The following KHNYN variants were observed in gnomAD, a reference collection of about 807,000 sequenced individuals.
The protein encoded by KHNYN is protein KHNYN.
In KHNYN, 42 loss-of-function variants were observed where a neutral mutation model predicts 62.7. That is an observed-to-expected ratio of 0.67 (90% CI 0.52 to 0.87). The LOEUF is 0.87. Among genes scored for constraint, KHNYN ranks in the 40% least tolerant of loss-of-function variants. The pLI is 0.00. For synonymous variants in KHNYN, 347 were observed against 345.6 expected (o/e 1.00, Z -0.04); for missense variants, 829 against 874.1 (o/e 0.95, Z 0.65).
At chr14:24,436,338 A>G in intron 6 of KHNYN, 50 bp from the exon 7 acceptor site, 1 of 1,526,530 alleles carries the variant, frequency 6.6e-7, no homozygotes, top group East Asian at 2.3e-5. Context: ...GTTGTCTGGG[A>G]GGTGGGCAAG....
intron 1 of KHNYN, chr14:24,430,357 A>C: frequency 1.1e-6 from 1 of 883,586 alleles, no homozygotes; most frequent in Non-Finnish European, 1.4e-6. Context: ...AGCCTAGTTC[A>C]ATCCCCTGCT....
chr14:24,437,238 C>A lies in KHNYN; in HGVS notation c.1990C>A (p.Arg664=). The stretch of plus-strand genomic sequence containing the variant: ...CATCCTGCAGCGGGAGCCATACTGC[C>A]GGGACATCAACCAACTGTCTGAGGC... ...DFILQREPYC[R]DINQLSEALL... The change falls in exon 8 of 8, where the codon CGG becomes AGG. Residue 664 remains arginine, a synonymous_variant. Transcript: ENST00000553935. This position sits in a 1 kb window ranked among gnomAD's most constrained non-coding sequence, Gnocchi z 5.5. 1 of 1,614,154 alleles carries A rather than the reference C, an allele frequency of 6.2e-7. No individual in the cohort carries two copies. Among genetic ancestry groups the A allele is most frequent in the Non-Finnish European group, 8.5e-7 (1 of 1,180,024 alleles).
At chr14:24,428,985 G>T (rs773414234), upstream of KHNYN, 10 of 1,550,436 alleles carry the variant, frequency 6.4e-6, no homozygotes, top group Middle Eastern at 3.4e-4. Context: ...AGGGCCAGAA[G>T]CACCAGAACC....
At position 24,440,378 on chromosome 14, in the gene KHNYN, C is replaced by A. The variant is rs200984811; in HGVS notation, c.*3093C>A. 1.4e-5 allele frequency: 22 copies of A among 1,613,990 alleles called. No homozygotes were observed. Among genetic ancestry groups the A allele is most frequent in the Non-Finnish European group, 8.5e-7 (1 of 1,179,868 alleles). On this transcript the variant is annotated 3_prime_UTR_variant, in exon 8 of 8. Transcript: ENST00000553935. The stretch of plus-strand genomic sequence containing the variant: ...ATGGGTCAGGATTCCTGCCAGGTCC[C>A]CGATGTGTATCCAGGGGAAGAATTG...
chr14:24,434,198 C>T, intron 5 of KHNYN: 1 of 985,338 alleles, frequency 1.0e-6, no homozygotes, highest in African/African-American at 1.7e-5. Context: ...ATGTTAAAGG[C>T]ATGTGTCTGC....
rs1232210097 is a variant in KHNYN at position 24,440,834 on chromosome 14, C to A, written c.*3549C>A. 2 of 1,613,680 alleles carry A rather than the reference C, an allele frequency of 1.2e-6. No homozygotes were observed. Among genetic ancestry groups the A allele is most frequent in the African/African-American group, 2.7e-5 (2 of 74,834 alleles). ...GAATCTCCAGGAAGCCTGGCTGCAG[C>A]TTCCCATTTGGTTACGAGGTTGGAG... On this transcript the variant is annotated 3_prime_UTR_variant, in exon 8 of 8. Transcript: ENST00000553935.
chr14:24,434,183 A>C, intron 5 of KHNYN: 1 of 985,370 alleles, frequency 1.0e-6, no homozygotes, highest in Non-Finnish European at 1.2e-6. Flanking sequence ...AGTTCGTTTT[A>C]ATGAATGTTA....
upstream of KHNYN, chr14:24,429,583 T>A: frequency 1.4e-6 from 1 of 690,084 alleles, no homozygotes; most frequent in Non-Finnish European, 2.1e-6. Flanking sequence ...ACGGGTACCC[T>A]CCGCCTCCCG....
At chr14:24,424,521 C>T (rs1416623490), upstream of KHNYN, among the ~76,000 whole-genome samples, 1 of 152,098 alleles carries the variant, frequency 6.6e-6, no homozygotes, top group African/African-American at 2.4e-5. Flanking sequence ...CATGGCAAAA[C>T]GAACTTCAAA....
rs1201989961 is a variant in KHNYN at position 24,439,258 on chromosome 14, G to A, written c.*1973G>A. The stretch of plus-strand genomic sequence containing the variant: ...TGCCATTTTCACTTTCAGTGATGGT[G>A]GGTGTGCAGTAGACCAAAAGTGTCT... On this transcript the variant is annotated 3_prime_UTR_variant, in exon 8 of 8. Coordinates refer to ENST00000553935, the MANE Select transcript of KHNYN (RefSeq NM_015299.3). The A allele has an allele frequency of 1.3e-5, 2 of 152,084 alleles. No individual in the cohort carries two copies. The highest frequency in any genetic ancestry group is 2.9e-5 in the Non-Finnish European group (2 of 68,018). 9.4% of individuals were successfully genotyped at this position (152,084 alleles called of 1,614,324 possible).
In KHNYN at chr14:24,431,463, G is replaced by C; in HGVS notation, c.202G>C (p.Glu68Gln). The change falls in exon 3 of 8, where the codon GAG (glutamate) becomes CAG (glutamine). Residue 68 changes from glutamate to glutamine, a missense_variant and splice_region_variant. Transcript: ENST00000553935. Reference sequence around the variant, plus strand: ...CTGACCTTCCCTTCCTCCCAACCAGGAGTACCTGAAGGGCCTCTGCAGCCC... The same window carrying C: ...CTGACCTTCCCTTCCTCCCAACCAGCAGTACCTGAAGGGCCTCTGCAGCCC... ...GPKENASRAK[E>Q]YLKGLCSPEL... The C allele has an allele frequency of 6.4e-7, 1 of 1,558,112 alleles. No homozygotes were observed. The highest frequency in any genetic ancestry group is 8.7e-7 in the Non-Finnish European group (1 of 1,146,940).
chr14:24,435,031 T>G (rs989516392), intron 5 of KHNYN, among the ~76,000 whole-genome samples: 1 of 152,222 alleles, frequency 6.6e-6, no homozygotes, highest in Non-Finnish European at 1.5e-5. Flanking sequence ...GGGTTGGATC[T>G]CTGTTTCTAA....
upstream of KHNYN, among the ~76,000 whole-genome samples, chr14:24,424,368 C>T (rs914524326): frequency 6.6e-6 from 1 of 152,142 alleles, no homozygotes; most frequent in Non-Finnish European, 1.5e-5. Flanking sequence ...AATTTTCAAG[C>T]CCATACGTTT....
In KHNYN at chr14:24,440,880, T is replaced by C. The variant is rs761380326; in HGVS notation, c.*3595T>C. ...TGGAGAAAAAGTCAAAGTCCCCTCC[T>C]GGGCTGTCTTCATCATACTCCGCAG... is the stretch of plus-strand genomic sequence containing the variant. On this transcript the variant is annotated 3_prime_UTR_variant, in exon 8 of 8. Transcript: ENST00000553935. The C allele has an allele frequency of 1.4e-5, 23 of 1,613,908 alleles. No homozygotes were observed. Among genetic ancestry groups the C allele is most frequent in the Non-Finnish European group, 1.9e-5 (22 of 1,179,896 alleles).
chr14:24,432,086 G>A lies in KHNYN; in HGVS notation c.825G>A (p.Leu275=), dbSNP rs373728592. 1.9e-6 allele frequency: 3 copies of A among 1,562,784 alleles called. No individual in the cohort carries two copies. The highest frequency in any genetic ancestry group is 1.4e-5 in the African/African-American group (1 of 73,692). The change falls in exon 3 of 8, where the codon TTG becomes TTA. Residue 275 remains leucine (L), a synonymous_variant. Transcript: ENST00000553935. This position sits in a 1 kb window ranked among gnomAD's most constrained non-coding sequence, Gnocchi z 5.6. ...PREMDWGWKE[L]PGEEAWEREV... is the part of the protein sequence containing the mutation. ...AGATGGATTGGGGGTGGAAGGAGTT[G>A]CCTGGGGAAGAGGCGTGGGAGAGAG...
rs1474728043 is a variant in KHNYN, at chr14:24,441,826, A to T, written c.*4541A>T. ...GGAGAAACATGGGAAATAAAAAGCC[A>T]CTAAATACATAAGTGCACATATCCC... On this transcript the variant is annotated 3_prime_UTR_variant, in exon 8 of 8. Transcript: ENST00000553935. 6.3e-7 allele frequency: 1 copy of T among 1,596,322 alleles called. No homozygotes were observed. The highest frequency in any genetic ancestry group is 8.5e-7 in the Non-Finnish European group (1 of 1,172,096).
rs1215008372 is a variant in KHNYN, at chr14:24,437,040, CAG to C, written c.1793_1794del (p.Gln598ArgfsTer4). The C allele has an allele frequency of 1.9e-6, 3 of 1,613,458 alleles. No homozygotes were observed. The highest frequency in any genetic ancestry group is 2.5e-6 in the Non-Finnish European group (3 of 1,179,582). On this transcript the variant is annotated frameshift_variant, in exon 8 of 8. Transcript: ENST00000553935. LOFTEE classifies it high-confidence loss of function. The surrounding 1 kb of genome is among the most constrained non-coding windows in gnomAD (Gnocchi z 5.5). The part of the protein sequence containing the change: ...DEFLKKPART[Q>X]GSSKAQHPSR... ...TTTTGGTCTGTTTCTTCCCAGGACA[CAG>C]GGGTCTTCTAAGGCTCAGCATCCTT...
intron 5 of KHNYN, 150 bp downstream of exon 5, chr14:24,433,182 G>C (rs2043152559): frequency 4.2e-6 from 3 of 710,860 alleles, no homozygotes; most frequent in Non-Finnish European, 7.3e-6. Context: ...CTTATGATTG[G>C]GTAGGTAAAC....
At chr14:24,433,645 A>T (rs2043160147) in intron 5 of KHNYN, among the ~76,000 whole-genome samples, 2 of 152,226 alleles carry the variant, frequency 1.3e-5, no homozygotes, top group South Asian at 2.1e-4. Flanking sequence ...TGAATATACG[A>T]AAAAGATAAG....
Sources: allele counts gnomAD v4.1 joint callset (sites outside exome capture counted in the v4.1 genomes callset), GRCh38; gene constraint gnomAD v4.1.1; non-coding constraint Gnocchi (gnomAD v3.1); transcripts MANE v1.5; gene names NCBI Gene and HGNC (gene_info 2026-07-23, HGNC 2026-07-21).